The following SPTBN1 variants were observed in gnomAD, a reference collection of about 807,000 sequenced individuals.
SPTBN1 encodes spectrin beta, non-erythrocytic 1, also known as spectrin beta chain, non-erythrocytic 1.
A neutral mutation model predicts 266.4 loss-of-function variants in SPTBN1; 32 were observed. That is an observed-to-expected ratio of 0.12 (90% CI 0.09 to 0.16). The LOEUF (loss-of-function observed/expected upper bound fraction) is 0.16. Among genes scored for constraint, SPTBN1 ranks in the 10% least tolerant of loss-of-function variants. The probability of loss-of-function intolerance (pLI) is 1.00; values close to 1 mark genes in which losing one functional copy is unlikely to be tolerated. For synonymous variants in SPTBN1, 1,336 were observed against 1,162.2 expected, an observed-to-expected ratio of 1.15 and a Z score of -3.04; for missense variants, 2,296 against 3,067.1, an observed-to-expected ratio of 0.75 and a Z score of 5.94.
intron 3 of SPTBN1, among the ~76,000 whole-genome samples, chr2:54,599,793 C>T (rs1485344330): frequency 4.6e-5 from 7 of 152,214 alleles, no homozygotes; most frequent in Non-Finnish European, 1.0e-4. Flanking sequence ...CCTTTTCAGG[C>T]AGGAAAGTTG....
chr2:54,501,401 G>C (rs1412882601), intron 1 of SPTBN1, among the ~76,000 whole-genome samples: 2 of 152,104 alleles, frequency 1.3e-5, no homozygotes, highest in Non-Finnish European at 2.9e-5. Context: ...GGAGCTTCTT[G>C]AATAGCTGGT....
intron 32 of SPTBN1, chr2:54,660,891 G>T (rs1434477112): frequency 2.8e-5 from 28 of 985,324 alleles, no homozygotes; most frequent in Non-Finnish European, 3.3e-5. Flanking sequence ...TGTTTTAGAA[G>T]CTTGCCTCAC....
chr2:54,561,024 T>C (rs1194356670), intron 2 of SPTBN1, among the ~76,000 whole-genome samples: 1 of 152,262 alleles, frequency 6.6e-6, no homozygotes, highest in Non-Finnish European at 1.5e-5. Flanking sequence ...ATAATTTCTA[T>C]CTGCTGATTT....
At chr2:54,620,152 G>A (rs1677900050) in intron 7 of SPTBN1, among the ~76,000 whole-genome samples, 1 of 152,250 alleles carries the variant, frequency 6.6e-6, no homozygotes, top group Admixed American at 6.5e-5. Context: ...CAGCGGGAAT[G>A]TGGTAGGTGG....
At chr2:54,611,635 T>C (rs1226316139) in intron 3 of SPTBN1, among the ~76,000 whole-genome samples, 1 of 152,326 alleles carries the variant, frequency 6.6e-6, no homozygotes, top group African/African-American at 2.4e-5. Flanking sequence ...CAGTAAGTTA[T>C]ACTTCTTTAC....
chr2:54,644,079 C>T (rs986292397), intron 19 of SPTBN1, among the ~76,000 whole-genome samples: 1 of 152,094 alleles, frequency 6.6e-6, no homozygotes, highest in Admixed American at 6.6e-5. Flanking sequence ...TTCAGTATTC[C>T]GTTGCCCCAG....
chr2:54,529,535 A>AC (rs1380995668), intron 2 of SPTBN1: 2 of 712,760 alleles, frequency 2.8e-6, no homozygotes, highest in Non-Finnish European at 5.2e-6. Context: ...TCCTCGGAAG[A>AC]CCACCCCCAG....
chr2:54,485,600 GCC>G (rs1668322650), intron 1 of SPTBN1, among the ~76,000 whole-genome samples: 1 of 152,168 alleles, frequency 6.6e-6, no homozygotes, highest in Non-Finnish European at 1.5e-5. Flanking sequence ...TGCAGCCTCT[GCC>G]CGGCCGCCAC....
intron 2 of SPTBN1, among the ~76,000 whole-genome samples, chr2:54,597,756 A>G (rs374521880): frequency 6.6e-6 from 1 of 151,794 alleles, no homozygotes; most frequent in East Asian, 1.9e-4. Context: ...CAACCTGAGA[A>G]CCCAGTACTC....
chr2:54,575,584 A>G (rs1400341663), intron 2 of SPTBN1, among the ~76,000 whole-genome samples: 2 of 152,264 alleles, frequency 1.3e-5, no homozygotes, highest in East Asian at 1.9e-4. Flanking sequence ...GCTTAAATTC[A>G]GGTGATATTG....
chr2:54,560,240 C>T (rs915446086), intron 2 of SPTBN1, among the ~76,000 whole-genome samples: 2 of 151,548 alleles, frequency 1.3e-5, no homozygotes, highest in African/African-American at 4.9e-5. Flanking sequence ...GTTTTCGGGT[C>T]GGAGAATCCA....
chr2:54,589,554 C>T (rs1005835352), intron 2 of SPTBN1, among the ~76,000 whole-genome samples: 2 of 152,200 alleles, frequency 1.3e-5, no homozygotes, highest in African/African-American at 4.8e-5. Flanking sequence ...GCTTCACATG[C>T]ATTTAGAGCA....
chr2:54,464,699 G>A (rs1277769479), intron 1 of SPTBN1, among the ~76,000 whole-genome samples: 2 of 152,146 alleles, frequency 1.3e-5, no homozygotes, highest in East Asian at 3.9e-4. Flanking sequence ...GTTTTCTTTT[G>A]TTTTGTTTGA....
chr2:54,512,482 A>G (rs973039087), intron 1 of SPTBN1, among the ~76,000 whole-genome samples: 5 of 152,278 alleles, frequency 3.3e-5, no homozygotes, highest in East Asian at 3.9e-4. Context: ...CTGGGTTGCC[A>G]TGACAGTGTA....
rs1294881715 is a variant in SPTBN1, at chr2:54,645,468, A to G, written c.4494+15A>G. 2 of 1,612,500 alleles carry G rather than the reference A, an allele frequency of 1.2e-6. No homozygotes were observed. Among genetic ancestry groups the G allele is most frequent in the Non-Finnish European group, 1.7e-6 (2 of 1,178,902 alleles). On this transcript the variant is annotated intron_variant, in intron 21 of 35. Transcript: ENST00000356805. This position sits in a 1 kb window ranked among gnomAD's most constrained non-coding sequence, Gnocchi z 4.3. ...AGGACGAGATCGTGAGTCGACCCCTACTGCACACATGGCTTTTCCACGAGC... is the reference window on the plus strand; with the variant it reads ...AGGACGAGATCGTGAGTCGACCCCTGCTGCACACATGGCTTTTCCACGAGC...
rs377347797 is a variant in SPTBN1, at chr2:54,630,846, C to T, written c.2808-9C>T. The T allele has an allele frequency of 4.5e-6, 7 of 1,560,874 alleles. No homozygotes were observed. The South Asian group carries it at 6.1e-5, about 14-fold the overall frequency. On this transcript the variant is annotated splice_polypyrimidine_tract_variant and intron_variant, in intron 15 of 35. Transcript: ENST00000356805. ...TTTTCACACTCGCTGTCTGCCCCTG[C>T]ACTCACAGGTGGAGCCAGTTCAGAG...
intron 1 of SPTBN1, among the ~76,000 whole-genome samples, chr2:54,459,402 T>A (rs1693239965): frequency 6.6e-6 from 1 of 152,234 alleles, no homozygotes; most frequent in African/African-American, 2.4e-5. Flanking sequence ...CAGAGTTTCC[T>A]GGAAGGGTTT....
chr2:54,504,364 A>G (rs190628252), intron 1 of SPTBN1, among the ~76,000 whole-genome samples: 75 of 152,334 alleles, frequency 4.9e-4, no homozygotes, highest in African/African-American at 1.7e-3. Context: ...AGACTTAAGG[A>G]TATTCCTTGG....
At chr2:54,584,780 G>A (rs4641979) in intron 2 of SPTBN1, among the ~76,000 whole-genome samples, 51,239 of 151,978 alleles carry the variant, frequency 0.34, 11,071 homozygotes, top group African/African-American at 0.62. Context: ...CTATGTCAAG[G>A]TAGCTGAACA....
Sources: gnomAD v4.1 joint callset for allele counts (sites outside exome capture counted in the v4.1 genomes callset) on GRCh38, gnomAD v4.1.1 for gene constraint, Gnocchi (gnomAD v3.1) non-coding constraint, MANE v1.5 for transcripts, NCBI Gene and HGNC (gene_info 2026-07-23, HGNC 2026-07-21) for gene names.